Variants in DOCK5 observed in about 807,000 individuals in gnomAD.
DOCK5 encodes dedicator of cytokinesis 5.
A neutral mutation model predicts 251.8 loss-of-function variants in DOCK5; 142 were observed. The observed-to-expected ratio is 0.56, with a 90% CI of 0.49 to 0.65. The LOEUF is 0.65. Ranked by LOEUF, DOCK5 falls within the 30% of genes least tolerant of loss-of-function variation. The pLI, the probability that DOCK5 is intolerant of heterozygous loss-of-function variation, is 0.00. For synonymous variants in DOCK5, 842 were observed against 835.5 expected (o/e 1.01, Z -0.13); for missense variants, 2,111 against 2,312.3 (o/e 0.91, Z 1.79).
At chr8:25,345,106 G>GA (rs533737018) in intron 25 of DOCK5, among the ~76,000 whole-genome samples, 21 of 147,574 alleles carry the variant, frequency 1.4e-4, no homozygotes, top group Admixed American at 5.4e-4. Flanking sequence ...AAAAATTTTT[G>GA]AAAAAAAAAA....
At chr8:25,290,985 A>C (rs1804471359) in intron 5 of DOCK5, among the ~76,000 whole-genome samples, 1 of 152,208 alleles carries the variant, frequency 6.6e-6, no homozygotes, top group African/African-American at 2.4e-5. Flanking sequence ...AGGACAAAAG[A>C]AGAAATAACA....
At chr8:25,380,429 A>T (rs1311371223) in intron 39 of DOCK5, 35 bp downstream of exon 39, 2 of 1,541,846 alleles carry the variant, frequency 1.3e-6, no homozygotes, top group Admixed American at 1.8e-5. Flanking sequence ...GGCCTCTGAC[A>T]GGGTTGCTAA....
chr8:25,307,726 A>G (rs1804982190), intron 11 of DOCK5, among the ~76,000 whole-genome samples: 1 of 152,128 alleles, frequency 6.6e-6, no homozygotes, highest in African/African-American at 2.4e-5. Flanking sequence ...TCCCCACTGT[A>G]TAATCCGTGC....
At position 25,390,194 on chromosome 8, in the gene DOCK5, C is replaced by T. The variant is rs199531685; in HGVS notation, c.4274-12C>T. The T allele has an allele frequency of 6.2e-3, 9,712 of 1,574,890 alleles. 48 individuals are homozygous for T. Among genetic ancestry groups the T allele is most frequent in the Non-Finnish European group, 7.6e-3 (8,799 of 1,159,724 alleles). ...ACCCCAGCCCCTCTCCTTTCCTTAACGAGCTCTTCAGACATGCAGTGCTTC... is the reference window on the plus strand; with the variant it reads ...ACCCCAGCCCCTCTCCTTTCCTTAATGAGCTCTTCAGACATGCAGTGCTTC... On this transcript the variant is annotated splice_polypyrimidine_tract_variant and intron_variant, in intron 41 of 51. Transcript: ENST00000276440.
chr8:25,306,651 G>A (rs902974779), intron 11 of DOCK5, among the ~76,000 whole-genome samples: 5 of 151,462 alleles, frequency 3.3e-5, no homozygotes, highest in South Asian at 4.2e-4. Context: ...CCAAGATCAC[G>A]CCACTGCACT....
intron 18 of DOCK5, among the ~76,000 whole-genome samples, chr8:25,326,193 G>T (rs539907312): frequency 6.6e-6 from 1 of 152,316 alleles, no homozygotes; most frequent in East Asian, 1.9e-4. Flanking sequence ...CCTACTGGAT[G>T]TAGTAAACCA....
intron 1 of DOCK5, among the ~76,000 whole-genome samples, chr8:25,243,438 C>G (rs1480173164): frequency 6.9e-6 from 1 of 145,664 alleles, no homozygotes; most frequent in Non-Finnish European, 1.5e-5. Flanking sequence ...TCAAGCAGTT[C>G]TCCTGCCTCA....
At chr8:25,336,097 G>A in intron 21 of DOCK5, 142 bp from the exon 22 acceptor site, 4 of 816,578 alleles carry the variant, frequency 4.9e-6, no homozygotes, top group Non-Finnish European at 7.2e-6. Flanking sequence ...AGTTAATTTT[G>A]CTGTTCAGGG....
chr8:25,217,248 GTATA>G (rs913017648), intron 1 of DOCK5, among the ~76,000 whole-genome samples: 1 of 150,214 alleles, frequency 6.7e-6, no homozygotes, highest in Non-Finnish European at 1.5e-5. Context: ...TATACAATAT[GTATA>G]TATGTATACT....
At chr8:25,386,644 A>G (rs1801169275) in intron 40 of DOCK5, among the ~76,000 whole-genome samples, 1 of 151,772 alleles carries the variant, frequency 6.6e-6, no homozygotes, top group Non-Finnish European at 1.5e-5. Context: ...TAAATGCATC[A>G]GGGTCTAGTG....
chr8:25,377,360 A>G lies in DOCK5; in HGVS notation c.3872A>G (p.Tyr1291Cys), dbSNP rs1375772944. ...CTTCAGAAGGACAGTTACTATGTTT[A>G]TACCCAGCAAGAGCTTAAAGAGAAG... ...HLLQKDSYYV[Y>C]TQQELKEKLY... The change falls in exon 38 of 52, where the codon TAT (tyrosine) becomes TGT (cysteine). Residue 1291 changes from tyrosine to cysteine, a missense_variant. This residue lies in a region of DOCK5 where 1,717 missense variants were observed against 1,892.4 expected (regional missense o/e 0.91). Coordinates refer to ENST00000276440, the MANE Select transcript of DOCK5 (RefSeq NM_024940.8). 2 of 1,613,864 alleles carry G rather than the reference A, an allele frequency of 1.2e-6. No individual in the cohort carries two copies. The highest frequency in any genetic ancestry group is 2.2e-5 in the South Asian group (2 of 91,076).
intron 8 of DOCK5, among the ~76,000 whole-genome samples, chr8:25,299,770 A>G (rs1358615889): frequency 2.6e-5 from 4 of 152,182 alleles, no homozygotes; most frequent in Non-Finnish European, 5.9e-5. Flanking sequence ...TCAGCCCTAC[A>G]GTGGTACTAC....
chr8:25,210,047 T>TATATATATATAA (rs1563309199), intron 1 of DOCK5, among the ~76,000 whole-genome samples: 2 of 25,116 alleles, frequency 8.0e-5, no homozygotes, highest in African/African-American at 2.9e-4. Context: ...TGTGTGTGTG[T>TATATATATATAA]GTGTGTGTGT....
intron 1 of DOCK5, among the ~76,000 whole-genome samples, chr8:25,190,297 G>A (rs915203914): frequency 6.6e-6 from 1 of 152,202 alleles, no homozygotes; most frequent in Non-Finnish European, 1.5e-5. Context: ...ATTGAAATAG[G>A]CCGTGAAGGT....
chr8:25,391,819 A>G (rs1801263902), intron 42 of DOCK5, 77 bp from the exon 43 acceptor site: 2 of 1,320,242 alleles, frequency 1.5e-6, no homozygotes, highest in South Asian at 1.3e-5. Flanking sequence ...CAGATGTGTT[A>G]TAGGTTTTGT....
chr8:25,372,830 G>T, intron 35 of DOCK5, 112 bp downstream of exon 35: 1 of 1,037,312 alleles, frequency 9.6e-7, no homozygotes, highest in Non-Finnish European at 1.4e-6. Flanking sequence ...AGGCACCTTT[G>T]TGGAGCCGGT....
At position 25,294,445 on chromosome 8, in the gene DOCK5, A is replaced by G. The variant is rs982893065; in HGVS notation, c.471-2068A>G. 5.9e-5 allele frequency among the ~76,000 whole-genome samples: 9 copies of G among 152,158 alleles called. No individual in the cohort carries two copies. In the East Asian group the frequency reaches 1.5e-3, roughly 26 times the overall value. On this transcript the variant is annotated intron_variant, in intron 6 of 51. Coordinates refer to ENST00000276440, the MANE Select transcript of DOCK5 (RefSeq NM_024940.8). Reference sequence around the variant, plus strand: ...TCTTGCTCTTTGGTACCGGGAATGCATGCTGGGTATTCGGATAGCAGTATC... The same window carrying G: ...TCTTGCTCTTTGGTACCGGGAATGCGTGCTGGGTATTCGGATAGCAGTATC...
intron 39 of DOCK5, among the ~76,000 whole-genome samples, chr8:25,381,942 T>C (rs886532748): frequency 6.6e-6 from 1 of 152,194 alleles, no homozygotes; most frequent in African/African-American, 2.4e-5. Context: ...TGGGCACTTA[T>C]AATTTACCAG....
chr8:25,191,064 G>T (rs1018581441), intron 1 of DOCK5, among the ~76,000 whole-genome samples: 6 of 152,170 alleles, frequency 3.9e-5, no homozygotes, highest in African/African-American at 1.4e-4. Flanking sequence ...AAGGAAGAGA[G>T]AATTAGTATT....
Sources: allele counts gnomAD v4.1 joint callset (sites outside exome capture counted in the v4.1 genomes callset), GRCh38; gene constraint gnomAD v4.1.1; regional missense constraint gnomAD v4.1.1; transcripts MANE v1.5; gene names NCBI Gene and HGNC (gene_info 2026-07-23, HGNC 2026-07-21).